SPAG16: variants seen among roughly 807,000 people sequenced by gnomAD.
SPAG16 encodes sperm-associated antigen 16 protein.
SPAG16 carries 86 observed loss-of-function variants against 80.4 expected under a neutral mutation model. That is an observed-to-expected ratio of 1.07 (90% CI 0.90 to 1.28). SPAG16 has a LOEUF of 1.28. Ranked by LOEUF, SPAG16 falls within the 50% of genes most tolerant of loss-of-function variation. The pLI, the probability that SPAG16 is intolerant of heterozygous loss-of-function variation, is 0.00. For synonymous variants in SPAG16, 294 were observed against 265.9 expected (o/e 1.11, Z -1.03); for missense variants, 870 against 765.3 (o/e 1.14, Z -1.61).
chr2:214,072,106 G>A (rs892316830), intron 13 of SPAG16, among the ~76,000 whole-genome samples: 15 of 151,896 alleles, frequency 9.9e-5, no homozygotes, highest in Admixed American at 4.6e-4. Context: ...CTTTTCTAAA[G>A]ATAAATACAT....
chr2:214,037,864 G>GGTGTGTGTGTGTGTGTGT (rs35564156), intron 13 of SPAG16, among the ~76,000 whole-genome samples: 2 of 133,630 alleles, frequency 1.5e-5, no homozygotes, highest in Admixed American at 7.3e-5. Flanking sequence ...CCAGAAGCCT[G>GGTGTGTGTGTGTGTGTGT]GTGTGTGTGT....
At chr2:213,368,526 A>T (rs2066448955) in intron 8 of SPAG16, among the ~76,000 whole-genome samples, 2 of 152,168 alleles carry the variant, frequency 1.3e-5, no homozygotes, top group Non-Finnish European at 2.9e-5. Context: ...GCCCTCTCTC[A>T]CCACTCCTAT....
chr2:213,371,865 G>A (rs73990325), intron 8 of SPAG16, among the ~76,000 whole-genome samples: 14,911 of 151,952 alleles, frequency 0.098, 1,910 homozygotes, highest in African/African-American at 0.29. Context: ...GAATCACCCC[G>A]TAATTGCTGC....
chr2:213,400,254 G>A (rs1481622204), intron 9 of SPAG16, among the ~76,000 whole-genome samples: 1 of 151,918 alleles, frequency 6.6e-6, no homozygotes, highest in Non-Finnish European at 1.5e-5. Flanking sequence ...ATTAATGGTT[G>A]GCTTTTCTAC....
chr2:214,310,691 C>T (rs1470320123), intron 15 of SPAG16, among the ~76,000 whole-genome samples: 2 of 152,190 alleles, frequency 1.3e-5, no homozygotes, highest in Non-Finnish European at 2.9e-5. Context: ...ATATGATCCA[C>T]TTCCATATCA....
At chr2:214,056,277 A>G (rs1033897881) in intron 13 of SPAG16, among the ~76,000 whole-genome samples, 31 of 109,040 alleles carry the variant, frequency 2.8e-4, no homozygotes, top group Non-Finnish European at 5.3e-4. Flanking sequence ...GATGTAGTAG[A>G]AATACACACA....
At chr2:214,150,664 G>A (rs1024334364) in intron 15 of SPAG16, among the ~76,000 whole-genome samples, 8 of 151,952 alleles carry the variant, frequency 5.3e-5, no homozygotes, top group East Asian at 1.9e-4. Flanking sequence ...TTTGAACTCC[G>A]AAATTTCAAA....
chr2:213,761,221 G>A (rs991969084), intron 10 of SPAG16, among the ~76,000 whole-genome samples: 1 of 152,108 alleles, frequency 6.6e-6, no homozygotes, highest in Non-Finnish European at 1.5e-5. Context: ...GAAAATACTT[G>A]GAGATGAAGG....
chr2:213,851,865 G>T (rs941790402), intron 10 of SPAG16, among the ~76,000 whole-genome samples: 1 of 152,186 alleles, frequency 6.6e-6, no homozygotes, highest in Non-Finnish European at 1.5e-5. Context: ...AAAATGAAAG[G>T]ACAGTGCTAC....
At chr2:214,059,153 G>C (rs1402570588) in intron 13 of SPAG16, among the ~76,000 whole-genome samples, 1 of 137,320 alleles carries the variant, frequency 7.3e-6, no homozygotes, top group Non-Finnish European at 1.5e-5. Flanking sequence ...CTCCAGCCTG[G>C]GTAACAGAGC....
intron 10 of SPAG16, among the ~76,000 whole-genome samples, chr2:213,705,472 AAG>A (rs144187962): frequency 0.26 from 40,127 of 151,888 alleles, 6,233 homozygotes; most frequent in Middle Eastern, 0.42. Flanking sequence ...GGCATCTCTT[AAG>A]AGGGAGCTGG....
At chr2:213,831,765 C>T (rs1332727074) in intron 10 of SPAG16, among the ~76,000 whole-genome samples, 1 of 151,994 alleles carries the variant, frequency 6.6e-6, no homozygotes, top group Non-Finnish European at 1.5e-5. Context: ...TCATAAATGA[C>T]ATTTAGCATT....
intron 10 of SPAG16, among the ~76,000 whole-genome samples, chr2:213,573,196 TC>T (rs2059988327): frequency 6.6e-6 from 1 of 151,978 alleles, no homozygotes; most frequent in African/African-American, 2.4e-5. Context: ...ATCACCGTCT[TC>T]TGCGTCGGTC....
At chr2:214,305,215 A>T (rs1198054788) in intron 15 of SPAG16, among the ~76,000 whole-genome samples, 3 of 152,120 alleles carry the variant, frequency 2.0e-5, no homozygotes, top group African/African-American at 7.2e-5. Context: ...TCATTTTTTA[A>T]TGGAGTTCTT....
chr2:213,486,378 C>G (rs536516431), intron 9 of SPAG16, among the ~76,000 whole-genome samples: 3 of 151,972 alleles, frequency 2.0e-5, no homozygotes, highest in Non-Finnish European at 2.9e-5. Context: ...TGGCTGCATT[C>G]TCATGTTTAT....
chr2:213,851,091 T>C (rs1002588007), intron 10 of SPAG16, among the ~76,000 whole-genome samples: 2 of 152,156 alleles, frequency 1.3e-5, no homozygotes, highest in African/African-American at 4.8e-5. Flanking sequence ...AGTTCAGAAG[T>C]ATAAAATGTT....
chr2:213,862,353 A>G, intron 10 of SPAG16, 132 bp from the exon 11 acceptor site: 1 of 1,119,714 alleles, frequency 8.9e-7, no homozygotes, highest in Non-Finnish European at 1.3e-6. Flanking sequence ...GCTTCCTCTT[A>G]TTTTGGGGCC....
At chr2:214,185,320 A>G (rs10490498) in intron 15 of SPAG16, among the ~76,000 whole-genome samples, 45,670 of 151,932 alleles carry the variant, frequency 0.3, 8,566 homozygotes, top group Non-Finnish European at 0.42. Context: ...CATAATATGC[A>G]CCTGATAATT....
intron 15 of SPAG16, among the ~76,000 whole-genome samples, chr2:214,202,518 G>A (rs768193497): frequency 2.1e-4 from 32 of 151,982 alleles, no homozygotes; most frequent in Admixed American, 1.4e-3. Context: ...TATAGAGAAG[G>A]GATAAATTCT....
Sources: gnomAD v4.1 joint callset for allele counts (sites outside exome capture counted in the v4.1 genomes callset) on GRCh38, gnomAD v4.1.1 for gene constraint, MANE v1.5 for transcripts, NCBI Gene and HGNC (gene_info 2026-07-23, HGNC 2026-07-21) for gene names.